EMILIN3: variants seen among roughly 807,000 people sequenced by gnomAD.
EMILIN3 encodes EMILIN-3.
A neutral mutation model predicts 42.8 loss-of-function variants in EMILIN3; 38 were observed. That is an observed-to-expected ratio of 0.89 (90% confidence interval 0.69 to 1.16). The LOEUF is 1.16. Ranked by LOEUF, EMILIN3 falls within the 50% of genes most tolerant of loss-of-function variation. EMILIN3 has a pLI of 0.00. For synonymous variants in EMILIN3, 430 were observed against 440.5 expected (o/e 0.98, Z 0.30); for missense variants, 924 against 999.5 (o/e 0.92, Z 1.02).
chr20:41,363,541 C>G (rs1015530779), intron 3 of EMILIN3, 97 bp downstream of exon 3: 34 of 1,255,196 alleles, frequency 2.7e-5, no homozygotes, highest in East Asian at 1.5e-4. Flanking sequence ...CCCATCCATG[C>G]CGGAGCTCAG....
At position 41,363,141 on chromosome 20, in the gene EMILIN3, TTC is replaced by T; in HGVS notation, c.515-89_515-88del. The T allele has an allele frequency of 4.1e-6, 5 of 1,231,376 alleles. No individual in the cohort carries two copies. In the South Asian group the frequency reaches 6.5e-5, roughly 16 times the overall value. 76.3% of individuals were successfully genotyped at this position (1,231,376 alleles called of 1,614,324 possible). ...GCCAGGCCACCCAAGAGACTTTCTG[TTC>T]TTTTTTTTTTTTTTTGAGACAGAGT... On this transcript the variant is annotated intron_variant, in intron 3 of 3. Coordinates refer to ENST00000332312, the MANE Select transcript of EMILIN3 (RefSeq NM_052846.2).
chr20:41,366,673 C>A lies in EMILIN3; in HGVS notation c.-39G>T, dbSNP rs1376403643. On this transcript the variant is annotated 5_prime_UTR_variant, in exon 1 of 4. Coordinates refer to ENST00000332312, the MANE Select transcript of EMILIN3 (RefSeq NM_052846.2). The surrounding 1 kb of genome is among the most constrained non-coding windows in gnomAD (Gnocchi z 4.2). ...CCTCTGCCCGGCCCCGCGCGGTGCC[C>A]CCCGCCGGGTGTCCGCCTGCAGCGC... 9.4e-5 allele frequency: 93 copies of A among 989,076 alleles called. No homozygotes were observed. Among genetic ancestry groups the A allele is most frequent in the Non-Finnish European group, 1.1e-4 (90 of 833,544 alleles). The allele number at this position is 989,076 out of a possible 1,614,324, so 61.3% of individuals were successfully genotyped here. A position where few individuals can be genotyped will look rare whatever the true frequency, so the allele number is the denominator to read the frequency against.
chr20:41,364,528 A>G (rs1425189733), intron 2 of EMILIN3, among the ~76,000 whole-genome samples: 1 of 151,974 alleles, frequency 6.6e-6, no homozygotes, highest in East Asian at 1.9e-4. Flanking sequence ...TTCCACACAC[A>G]CACGTGAACC....
rs1037888950 is a variant in EMILIN3, at chr20:41,366,371, G to A, written c.167+97C>T. 4.5e-5 allele frequency: 42 copies of A among 943,318 alleles called. No homozygotes were observed. In the African/African-American group the frequency reaches 6.4e-4, roughly 14 times the overall value. 58.4% of individuals were successfully genotyped at this position (943,318 alleles called of 1,614,324 possible). On this transcript the variant is annotated intron_variant, in intron 1 of 3. Coordinates refer to ENST00000332312, the MANE Select transcript of EMILIN3 (RefSeq NM_052846.2). This position sits in a 1 kb window ranked among gnomAD's most constrained non-coding sequence, Gnocchi z 4.2. ...TCTGTGCAGCGGCCTCGGGGTGCCC[G>A]GGGCCTCGACGCCCCCCGCGGGTGC...
In EMILIN3 at chr20:41,360,832, C is replaced by T. The variant is rs2046351409; in HGVS notation, c.*436G>A. 5.2e-6 allele frequency: 1 copy of T among 192,388 alleles called. No individual in the cohort carries two copies. Among genetic ancestry groups the T allele is most frequent in the Non-Finnish European group, 1.1e-5 (1 of 94,014 alleles). 11.9% of individuals were successfully genotyped at this position (192,388 alleles called of 1,614,324 possible). A position where few individuals can be genotyped will look rare whatever the true frequency, so the allele number is the denominator to read the frequency against. ...CAGGGCAATGCGGACAGGCCACTGG[C>T]TGTGGGCCTGTAGGTCTCTGCACAG... On this transcript the variant is annotated 3_prime_UTR_variant, in exon 4 of 4. Coordinates refer to ENST00000332312, the MANE Select transcript of EMILIN3 (RefSeq NM_052846.2).
chr20:41,361,618 C>A lies in EMILIN3; in HGVS notation c.1951G>T (p.Val651Phe). 6.2e-7 allele frequency: 1 copy of A among 1,609,834 alleles called. No individual in the cohort carries two copies. The highest frequency in any genetic ancestry group is 1.1e-5 in the South Asian group (1 of 90,918). Reference sequence around the variant, plus strand: ...TCCAGCTCCCCACGCAGGTTCAGGACCTGCCTGTGGCCAGCCTGAAGCCTG... The same window carrying A: ...TCCAGCTCCCCACGCAGGTTCAGGAACTGCCTGTGGCCAGCCTGAAGCCTG... The part of the protein sequence containing the change: ...GSRLQAGHRQ[V>F]LNLRGELEQL... The change falls in exon 4 of 4, where the codon GTC becomes TTC. Residue 651 changes from valine (V) to phenylalanine (F), a missense_variant. Physicochemically the swap from Val to Phe is conservative, Grantham distance 50 (BLOSUM62 -1). Coordinates refer to ENST00000332312, the MANE Select transcript of EMILIN3 (RefSeq NM_052846.2).
rs187118100 is a variant in EMILIN3 at position 41,364,200 on chromosome 20, T to G, written c.291-339A>C. Among the ~76,000 whole-genome samples, 242 of 152,186 alleles carry G rather than the reference T, an allele frequency of 1.6e-3. 2 individuals carry two copies. The highest frequency in any genetic ancestry group is 3.0e-3 in the Non-Finnish European group (202 of 67,978). On this transcript the variant is annotated intron_variant, in intron 2 of 3. Transcript: ENST00000332312. ...ATGAGAAATTCCACTCAGGCTGCAG[T>G]AGCACCTGGGAGAATCAGACACAGC...
chr20:41,362,311 G>A lies in EMILIN3; in HGVS notation c.1258C>T (p.Leu420Phe), dbSNP rs145221134. 8 of 1,612,866 alleles carry A rather than the reference G, an allele frequency of 5.0e-6. No individual in the cohort carries two copies. The highest frequency in any genetic ancestry group is 3.3e-5 in the Admixed American group (2 of 59,976). The change falls in exon 4 of 4, where the codon CTT becomes TTT. Residue 420 changes from leucine to phenylalanine, a missense_variant. By Grantham distance (22) the Leu-to-Phe change is conservative (BLOSUM62 0). Transcript: ENST00000332312. ...AGCATGGCAGCAGAGAGCCTCGTAA[G>A]CTCATCCCCGGCCGGGGCACCGGGG... ...RGPGAPAGDE[L>F]TRLSAAMLEG...
rs147479123 is a variant in EMILIN3, at chr20:41,362,333, G to A, written c.1236C>T (p.Pro412=). The A allele has an allele frequency of 6.0e-4, 961 of 1,611,068 alleles. 9 individuals carry two copies. The East Asian group carries it at 0.019, about 32-fold the overall frequency. Residue 412 remains proline (P), a synonymous_variant, in exon 4 of 4, where the codon CCC becomes CCT. Transcript: ENST00000332312. ...LQAVTETQRG[P]GAPAGDELTR... is the part of the protein sequence containing the mutation. ...TAAGCTCATCCCCGGCCGGGGCACC[G>A]GGGCCCCTTTGGGTCTCGGTGACTG...
At position 41,361,985 on chromosome 20, in the gene EMILIN3, G is replaced by A. The variant is rs758646920; in HGVS notation, c.1584C>T (p.Ala528=). Reference sequence around the variant, plus strand: ...CCTCTGCCACGAGGCTGTCCAGGATGGCTGAGGTGGTGCTCGGGGTGCACG... The same window carrying A: ...CCTCTGCCACGAGGCTGTCCAGGATAGCTGAGGTGGTGCTCGGGGTGCACG... ...ETSCTPSTTS[A]ILDSLVAEVK... Residue 528 remains alanine (A), a synonymous_variant, in exon 4 of 4, where the codon GCC becomes GCT. Coordinates refer to ENST00000332312, the MANE Select transcript of EMILIN3 (RefSeq NM_052846.2). 52 of 1,611,684 alleles carry A rather than the reference G, an allele frequency of 3.2e-5. No individual in the cohort carries two copies. The highest frequency in any genetic ancestry group is 4.2e-5 in the Non-Finnish European group (49 of 1,178,378).
intron 1 of EMILIN3, among the ~76,000 whole-genome samples, chr20:41,365,888 T>C (rs2046390960): frequency 6.6e-6 from 1 of 151,926 alleles, no homozygotes; most frequent in African/African-American, 2.4e-5. Context: ...GCTGAGGAGG[T>C]GGCTGCCTGG....
Position 41,361,217 on chromosome 20 carries a change from T to G in EMILIN3, c.*51A>C. The G allele has an allele frequency of 1.3e-6, 2 of 1,498,796 alleles. No homozygotes were observed. The highest frequency in any genetic ancestry group is 2.3e-5 in the East Asian group (1 of 42,714). The allele number at this position is 1,498,796 out of a possible 1,614,324, so 92.8% of individuals were successfully genotyped here. ...TGCTGGATAAGGCTGGGCTCTGGGG[T>G]GATGTTCCCCGAGTTGGTGGGATCT... On this transcript the variant is annotated 3_prime_UTR_variant, in exon 4 of 4. Transcript: ENST00000332312.
chr20:41,361,359 TG>T lies in EMILIN3; in HGVS notation c.2209del (p.Gln737SerfsTer133). 6.2e-7 allele frequency: 1 copy of T among 1,612,998 alleles called. No homozygotes were observed. The highest frequency in any genetic ancestry group is 8.5e-7 in the Non-Finnish European group (1 of 1,179,486). ...HVDQLNRTLAQHTQDIARLRD... is the reference protein window; with the variant it reads ...HVDQLNRTLAXHTQDIARLRD... ...GAGGCGGGCAATGTCCTGCGTGTGC[TG>T]GGCCAGCGTACGATTCAGCTGGTCC... On this transcript the variant is annotated frameshift_variant, in exon 4 of 4. Transcript: ENST00000332312. LOFTEE classifies it high-confidence loss of function.
Position 41,363,874 on chromosome 20 carries a change from G to A in EMILIN3, c.291-13C>T. 6.2e-7 allele frequency: 1 copy of A among 1,609,666 alleles called. No homozygotes were observed. Among genetic ancestry groups the A allele is most frequent in the Middle Eastern group, 1.7e-4 (1 of 6,048 alleles). On this transcript the variant is annotated splice_polypyrimidine_tract_variant and intron_variant, in intron 2 of 3. Transcript: ENST00000332312. Reference sequence around the variant, plus strand: ...TACTGTGCGGTACCTGGGCCAGGGAGGGCAAGAGAGTGGGATCCTGCACCT... The same window carrying A: ...TACTGTGCGGTACCTGGGCCAGGGAAGGCAAGAGAGTGGGATCCTGCACCT...
chr20:41,361,130 G>A lies in EMILIN3; in HGVS notation c.*138C>T. ...TTTTGGTGGCTGGGACAGCCACGTGGAGGATTCCCTCAGTGGCCTCCTTAG... is the reference window on the plus strand; with the variant it reads ...TTTTGGTGGCTGGGACAGCCACGTGAAGGATTCCCTCAGTGGCCTCCTTAG... On this transcript the variant is annotated 3_prime_UTR_variant, in exon 4 of 4. Coordinates refer to ENST00000332312, the MANE Select transcript of EMILIN3 (RefSeq NM_052846.2). 1 of 818,522 alleles carries A rather than the reference G, an allele frequency of 1.2e-6. No homozygotes were observed. The highest frequency in any genetic ancestry group is 1.9e-6 in the Non-Finnish European group (1 of 538,600). The allele number at this position is 818,522 out of a possible 1,614,324, so 50.7% of individuals were successfully genotyped here. A position where few individuals can be genotyped will look rare whatever the true frequency, so the allele number is the denominator to read the frequency against.
At position 41,361,960 on chromosome 20, in the gene EMILIN3, C is replaced by G; in HGVS notation, c.1609G>C (p.Val537Leu). ...TCGCTCCGGCTCTGCCAGGCCTTCACCTCTGCCACGAGGCTGTCCAGGATG... is the reference window on the plus strand; with the variant it reads ...TCGCTCCGGCTCTGCCAGGCCTTCAGCTCTGCCACGAGGCTGTCCAGGATG... Reference protein sequence around the residue: ...SAILDSLVAEVKAWQSRSEAL... With the variant: ...SAILDSLVAELKAWQSRSEAL... The change falls in exon 4 of 4, where the codon GTG becomes CTG. Residue 537 changes from valine to leucine, a missense_variant. By Grantham distance (32) the Val-to-Leu change is conservative. Transcript: ENST00000332312. The G allele has an allele frequency of 6.2e-7, 1 of 1,612,372 alleles. No individual in the cohort carries two copies. Among genetic ancestry groups the G allele is most frequent in the Non-Finnish European group, 8.5e-7 (1 of 1,179,184 alleles).
At position 41,361,927 on chromosome 20, in the gene EMILIN3, G is replaced by A; in HGVS notation, c.1642C>T (p.Leu548=). The change falls in exon 4 of 4, where the codon CTA becomes TTA. Residue 548 remains leucine (L), a synonymous_variant. Transcript: ENST00000332312. The part of the protein sequence containing the change: ...KAWQSRSEAL[L]RQVASHAALL... ...GCTGCGTGGCTGGCCACCTGGCGTA[G>A]GAGGGCCTCGCTCCGGCTCTGCCAG... 1 of 1,612,976 alleles carries A rather than the reference G, an allele frequency of 6.2e-7. No individual in the cohort carries two copies. The highest frequency in any genetic ancestry group is 8.5e-7 in the Non-Finnish European group (1 of 1,179,884).
Position 41,365,147 on chromosome 20 carries a change from C to T in EMILIN3, c.178G>A (p.Ala60Thr). The change falls in exon 2 of 4, where the codon GCC becomes ACC. Residue 60 changes from alanine (A) to threonine (T), a missense_variant. Physicochemically the swap from Ala to Thr is moderately conservative, Grantham distance 58 (BLOSUM62 0). Coordinates refer to ENST00000332312, the MANE Select transcript of EMILIN3 (RefSeq NM_052846.2). ...LRPGPHKALC[A>T]YVVHRNVTCI... The stretch of plus-strand genomic sequence containing the variant: ...GTCACATTCCTGTGCACCACATAGG[C>T]ACAGAGGGCCCTACAGGAGAAAATG... 6.2e-7 allele frequency: 1 copy of T among 1,613,844 alleles called. No homozygotes were observed. Among genetic ancestry groups the T allele is most frequent in the Non-Finnish European group, 8.5e-7 (1 of 1,179,860 alleles).
chr20:41,366,360 T>G lies in EMILIN3; in HGVS notation c.167+108A>C. The G allele has an allele frequency of 2.4e-6, 2 of 849,890 alleles. No individual in the cohort carries two copies. The highest frequency in any genetic ancestry group is 2.9e-6 in the Non-Finnish European group (2 of 687,774). The allele number at this position is 849,890 out of a possible 1,614,324, so 52.6% of individuals were successfully genotyped here. On this transcript the variant is annotated intron_variant, in intron 1 of 3. Transcript: ENST00000332312. The surrounding 1 kb of genome is among the most constrained non-coding windows in gnomAD (Gnocchi z 4.2). ...GCGCCGCCCCCTCTGTGCAGCGGCC[T>G]CGGGGTGCCCGGGGCCTCGACGCCC...
Sources: allele counts gnomAD v4.1 joint callset (sites outside exome capture counted in the v4.1 genomes callset), GRCh38; gene constraint gnomAD v4.1.1; non-coding constraint Gnocchi (gnomAD v3.1); transcripts MANE v1.5; gene names NCBI Gene and HGNC (gene_info 2026-07-23, HGNC 2026-07-21).